The following AGMO variants were observed in gnomAD, a reference collection of about 807,000 sequenced individuals.
AGMO encodes glyceryl-ether monooxygenase.
In AGMO, 75 loss-of-function variants were observed where a neutral mutation model predicts 60.2. The ratio of observed to expected loss-of-function variants is 1.25; its 90% CI spans 1.03 to 1.51. AGMO has a LOEUF of 1.51. AGMO is among the 40% of genes most tolerant of loss of function. The pLI is 0.00. For missense variants in AGMO, 763 were observed against 525.5 expected, an observed-to-expected ratio of 1.45 and a Z score of -4.42; for synonymous variants, 261 against 177.1, an observed-to-expected ratio of 1.47 and a Z score of -3.76.
At chr7:15,352,693 T>G (rs1563103691) in intron 12 of AGMO, among the ~76,000 whole-genome samples, 1 of 151,830 alleles carries the variant, frequency 6.6e-6, no homozygotes. Context: ...GTCCCTGTCA[T>G]GTACTAGTGG....
At chr7:15,152,527 A>G in the AGMO span, among the ~76,000 whole-genome samples, 6 of 152,188 alleles carry the variant, frequency 3.9e-5, no homozygotes, top group East Asian at 9.7e-4. Context: ...TCCAAAGTCC[A>G]TTGTTTAATT....
At position 15,560,163 on chromosome 7, in the gene AGMO, C is replaced by T. The variant is rs1785265096; in HGVS notation, c.235G>A (p.Gly79Ser). The change falls in exon 2 of 13, where the codon GGT becomes AGT. Residue 79 changes from glycine to serine, a missense_variant. By Grantham distance (56) the Gly-to-Ser change is moderately conservative. Coordinates refer to ENST00000342526, the MANE Select transcript of AGMO (RefSeq NM_001004320.2). ...CACCTTGGAAGTCGAGACAGAACAC[C>T]AGCTGAGATTGACGTTAAAGCATCA... ...LDDALTSISA[G>S]VLSRLPSLFF... is the part of the protein sequence containing the mutation. 6.2e-7 allele frequency: 1 copy of T among 1,612,330 alleles called. No individual in the cohort carries two copies. The highest frequency in any genetic ancestry group is 1.3e-5 in the African/African-American group (1 of 74,758).
chr7:15,385,546 ACTT>A lies in AGMO; in HGVS notation c.971_973del (p.Glu324del), dbSNP rs1583488826. On this transcript the variant is annotated inframe_deletion, in exon 10 of 13. Transcript: ENST00000342526. The stretch of plus-strand genomic sequence containing the variant: ...CTGAGATGAAGATGATGAGAAGGGA[ACTT>A]CTTTGCCGGTGACCTAGGGAGACAA... 15 of 1,608,948 alleles carry A rather than the reference ACTT, an allele frequency of 9.3e-6. No individual in the cohort carries two copies. The highest frequency in any genetic ancestry group is 1.3e-5 in the African/African-American group (1 of 74,922).
intron 3 of AGMO, among the ~76,000 whole-genome samples, chr7:15,523,051 G>A (rs1016273164): frequency 2.0e-5 from 3 of 152,074 alleles, no homozygotes; most frequent in South Asian, 2.1e-4. Flanking sequence ...CAGACACATC[G>A]CTAAAGAAGA....
intron 12 of AGMO, among the ~76,000 whole-genome samples, chr7:15,210,334 G>A (rs1781552763): frequency 6.6e-6 from 1 of 152,034 alleles, no homozygotes; most frequent in East Asian, 1.9e-4. Flanking sequence ...CAATCTCCAG[G>A]TAAGTATATC....
rs116111369 is a variant in AGMO, at chr7:15,308,055, C to G, written c.1263+57459G>C. On this transcript the variant is annotated intron_variant, in intron 12 of 12. Transcript: ENST00000342526. ...ATACCTCCAGGCTTGCTGGTCCTCA[C>G]TACACCCCTTCAGTTTTCCATCCAT... 6.6e-3 allele frequency among the ~76,000 whole-genome samples: 999 copies of G among 152,164 alleles called. 10 individuals carry two copies. The highest frequency in any genetic ancestry group is 0.022 in the African/African-American group (910 of 41,534).
At chr7:15,386,257 AAAC>A (rs1450176764) in intron 9 of AGMO, among the ~76,000 whole-genome samples, 8 of 152,316 alleles carry the variant, frequency 5.3e-5, no homozygotes, top group South Asian at 2.1e-4. Context: ...ATTTTATTGG[AAAC>A]AACTTTTCTA....
chr7:15,208,099 ATGGGG>A (rs1204701748), intron 12 of AGMO, among the ~76,000 whole-genome samples: 1 of 152,246 alleles, frequency 6.6e-6, no homozygotes, highest in Non-Finnish European at 1.5e-5. Context: ...GAATATATTC[ATGGGG>A]TGTCCAGAAA....
intron 2 of AGMO, among the ~76,000 whole-genome samples, chr7:15,558,468 TC>T (rs1785210866): frequency 6.6e-6 from 1 of 152,064 alleles, no homozygotes; most frequent in African/African-American, 2.4e-5. Flanking sequence ...AATAACTAAA[TC>T]TACATCTAAA....
chr7:15,502,640 G>T (rs1369419901), intron 3 of AGMO, among the ~76,000 whole-genome samples: 1 of 151,928 alleles, frequency 6.6e-6, no homozygotes, highest in South Asian at 2.1e-4. Context: ...AATAAAAGAT[G>T]AACTACAGAA....
chr7:15,532,939 C>T (rs376631296), intron 3 of AGMO, among the ~76,000 whole-genome samples: 3 of 152,012 alleles, frequency 2.0e-5, no homozygotes, highest in Admixed American at 6.6e-5. Context: ...TGCAATGAGC[C>T]GAGATCATGC....
chr7:15,251,196 C>T (rs1297521570), intron 12 of AGMO, among the ~76,000 whole-genome samples: 1 of 151,972 alleles, frequency 6.6e-6, no homozygotes, highest in African/African-American at 2.4e-5. Flanking sequence ...ACTTCATGGC[C>T]CTGTTTCTTT....
At chr7:15,417,212 G>A (rs759865144) in intron 5 of AGMO, among the ~76,000 whole-genome samples, 14 of 152,160 alleles carry the variant, frequency 9.2e-5, no homozygotes, top group African/African-American at 2.7e-4. Flanking sequence ...GTAACACAAG[G>A]GGGAGGTTCT....
chr7:15,524,076 G>A (rs965346024), intron 3 of AGMO, among the ~76,000 whole-genome samples: 2 of 151,840 alleles, frequency 1.3e-5, no homozygotes, highest in African/African-American at 2.4e-5. Flanking sequence ...ATTTGTATAT[G>A]ACATAGCAAA....
chr7:15,222,934 T>TAATA (rs539700809), intron 12 of AGMO, among the ~76,000 whole-genome samples: 7 of 127,852 alleles, frequency 5.5e-5, no homozygotes, highest in Admixed American at 2.1e-4. Context: ...AATATGCAGT[T>TAATA]AATATACAAT....
intron 12 of AGMO, among the ~76,000 whole-genome samples, chr7:15,357,940 C>T (rs982524002): frequency 4.5e-4 from 68 of 152,086 alleles, no homozygotes; most frequent in African/African-American, 1.4e-3. Context: ...CAAATAAACA[C>T]ATATATACAT....
chr7:15,383,098 C>G (rs1375102566), intron 10 of AGMO, among the ~76,000 whole-genome samples: 1 of 151,756 alleles, frequency 6.6e-6, no homozygotes, highest in African/African-American at 2.4e-5. Context: ...AATCTAGGAC[C>G]ACATACATAG....
chr7:15,118,173 A>ACAC, the AGMO span, among the ~76,000 whole-genome samples: 6,002 of 144,612 alleles, frequency 0.042, 251 homozygotes, highest in African/African-American at 0.096. Context: ...ACTAAAGAGA[A>ACAC]ACACACACAC....
intron 3 of AGMO, among the ~76,000 whole-genome samples, chr7:15,521,383 A>C (rs1212451261): frequency 6.6e-6 from 1 of 152,156 alleles, no homozygotes; most frequent in Non-Finnish European, 1.5e-5. Flanking sequence ...AACCTGGCAG[A>C]GGCACAACAA....
Sources: allele counts gnomAD v4.1 joint callset (sites outside exome capture counted in the v4.1 genomes callset), GRCh38; gene constraint gnomAD v4.1.1; transcripts MANE v1.5; gene names NCBI Gene and HGNC (gene_info 2026-07-23, HGNC 2026-07-21).